The following FAM135B variants were observed in gnomAD, a reference collection of about 807,000 sequenced individuals.
The protein encoded by FAM135B is family with sequence similarity 135 member B.
Under a neutral mutation model 127.7 loss-of-function variants are expected in FAM135B, and 43 were observed. That is an observed-to-expected ratio of 0.34 (90% CI 0.26 to 0.43). The LOEUF (loss-of-function observed/expected upper bound fraction) is 0.43. Among genes scored for constraint, FAM135B ranks in the 20% least tolerant of loss-of-function variants. The pLI is 1.00. For missense variants in FAM135B, 1,558 were observed against 1,725.6 expected (o/e 0.90, Z 1.72); for synonymous variants, 670 against 665.1 (o/e 1.01, Z -0.11).
At chr8:138,408,150 A>G (rs1180026786) in intron 1 of FAM135B, among the ~76,000 whole-genome samples, 1 of 152,182 alleles carries the variant, frequency 6.6e-6, no homozygotes, top group Admixed American at 6.5e-5. Flanking sequence ...GCCCCTAACA[A>G]AAGACGTCAG....
intron 17 of FAM135B, among the ~76,000 whole-genome samples, chr8:138,139,389 G>A (rs1282744093): frequency 1.3e-5 from 2 of 152,064 alleles, no homozygotes; most frequent in Non-Finnish European, 2.9e-5. Flanking sequence ...AGAAGCCTAG[G>A]GTAATAATTT....
intron 9 of FAM135B, among the ~76,000 whole-genome samples, chr8:138,192,131 C>A (rs375202480): frequency 1.3e-5 from 2 of 152,188 alleles, no homozygotes; most frequent in East Asian, 3.9e-4. Context: ...AAAATCCACA[C>A]AATGTAGCCA....
intron 2 of FAM135B, among the ~76,000 whole-genome samples, chr8:138,315,314 A>G (rs1826999958): frequency 6.6e-6 from 1 of 152,230 alleles, no homozygotes; most frequent in Non-Finnish European, 1.5e-5. Flanking sequence ...AAGACAAGAA[A>G]TAACCAGTGT....
At chr8:138,264,247 G>A (rs1822748572) in intron 4 of FAM135B, among the ~76,000 whole-genome samples, 1 of 152,206 alleles carries the variant, frequency 6.6e-6, no homozygotes, top group South Asian at 2.1e-4. Flanking sequence ...GCTTCTCTGG[G>A]AGGCCTCTTC....
At chr8:138,375,519 C>T (rs763007272) in intron 1 of FAM135B, among the ~76,000 whole-genome samples, 15 of 152,208 alleles carry the variant, frequency 9.9e-5, no homozygotes, top group Middle Eastern at 3.4e-3. Flanking sequence ...TGTAAAACAA[C>T]GAATAAATCT....
At chr8:138,472,159 G>A (rs1169323254) in intron 1 of FAM135B, among the ~76,000 whole-genome samples, 3 of 152,114 alleles carry the variant, frequency 2.0e-5, no homozygotes, top group African/African-American at 7.2e-5. Context: ...GGGACAAAGT[G>A]TGTGTTGAGG....
At chr8:138,176,769 C>T (rs558807468) in intron 11 of FAM135B, among the ~76,000 whole-genome samples, 2 of 152,292 alleles carry the variant, frequency 1.3e-5, no homozygotes, top group East Asian at 3.9e-4. Flanking sequence ...AACCCTTGGA[C>T]TGTGGACCAG....
intron 1 of FAM135B, among the ~76,000 whole-genome samples, chr8:138,389,434 T>G (rs1832411112): frequency 6.6e-6 from 1 of 152,170 alleles, no homozygotes; most frequent in Admixed American, 6.5e-5. Context: ...GATAAATGGA[T>G]AAATCAAAAT....
At chr8:138,212,225 T>C (rs527241596) in intron 7 of FAM135B, among the ~76,000 whole-genome samples, 2 of 152,186 alleles carry the variant, frequency 1.3e-5, no homozygotes, top group Admixed American at 6.5e-5. Flanking sequence ...TAAGAGTACA[T>C]AGAAGACAGG....
chr8:138,272,118 G>A (rs1429025958), intron 3 of FAM135B, among the ~76,000 whole-genome samples: 1 of 151,838 alleles, frequency 6.6e-6, no homozygotes, highest in Non-Finnish European at 1.5e-5. Context: ...ATAAAACAAT[G>A]ATGAGGAATC....
In FAM135B at chr8:138,312,816, C is replaced by T. The variant is rs192156209; in HGVS notation, c.78-1896G>A. Among the ~76,000 whole-genome samples, 5 of 152,310 alleles carry T rather than the reference C, an allele frequency of 3.3e-5. No homozygotes were observed. In the East Asian group the frequency reaches 9.7e-4, roughly 29 times the overall value. On this transcript the variant is annotated intron_variant, in intron 2 of 19. Transcript: ENST00000395297. ...CCCTAACAGATGGCAAAGAGAACCC[C>T]ACCTGTTCAGTTGAAGTGGAGACCA...
rs78961073 is a variant in FAM135B, at chr8:138,374,263, G to C, written c.-19-6261C>G. On this transcript the variant is annotated intron_variant, in intron 1 of 19. Transcript: ENST00000395297. ...CGTGACTCTTGGGGCAGGTTCCCCA[G>C]TAAGTCCAGGCTTCTGCATCTGTAC... is the stretch of plus-strand genomic sequence containing the variant. Among the ~76,000 whole-genome samples, 334 of 152,282 alleles carry C rather than the reference G, an allele frequency of 2.2e-3. No homozygotes were observed. In the East Asian group the frequency reaches 0.024, roughly 11 times the overall value.
rs750727560 is a variant in FAM135B at position 138,241,027 on chromosome 8, G to A, written c.669+1915C>T. 6.6e-5 allele frequency among the ~76,000 whole-genome samples: 10 copies of A among 152,132 alleles called. No individual in the cohort carries two copies. Among genetic ancestry groups the A allele is most frequent in the Non-Finnish European group, 1.0e-4 (7 of 68,032 alleles). On this transcript the variant is annotated intron_variant, in intron 7 of 19. Coordinates refer to ENST00000395297, the MANE Select transcript of FAM135B (RefSeq NM_015912.4). This position sits in a 1 kb window ranked among gnomAD's most constrained non-coding sequence, Gnocchi z 4.8. ...TGAGACTCTTCAGTCTCTACAATGG[G>A]GTCTACTGAAACTCTGGGTGCCAGC... is the stretch of plus-strand genomic sequence containing the variant.
chr8:138,374,998 C>A (rs1357319782), intron 1 of FAM135B, among the ~76,000 whole-genome samples: 1 of 151,302 alleles, frequency 6.6e-6, no homozygotes, highest in African/African-American at 2.5e-5. Context: ...ACAACAACAA[C>A]AACAACAACA....
rs2130722859 is a variant in FAM135B, at chr8:138,151,276, T to A, written c.3199A>T (p.Thr1067Ser). The change falls in exon 13 of 20, where the codon ACC becomes TCC. Residue 1067 changes from threonine (T) to serine (S), a missense_variant. Thr to Ser is a moderately conservative substitution (Grantham distance 58). Around this residue, in one of 5 missense-constraint regions of FAM135B, gnomAD observed 923 missense variants for 865.3 expected, o/e 1.07. Coordinates refer to ENST00000395297, the MANE Select transcript of FAM135B (RefSeq NM_015912.4). ...CCAAAGGATCCCAAAGGCTGATGGG[T>A]GATGGGAAACAGGGTCTGTTTGGAA... ...FSSKQTLFPI[T>S]HQPLGSFGVV... 1 of 1,612,668 alleles carries A rather than the reference T, an allele frequency of 6.2e-7. No individual in the cohort carries two copies. The highest frequency in any genetic ancestry group is 8.5e-7 in the Non-Finnish European group (1 of 1,179,528).
chr8:138,132,470 G>C lies in FAM135B; in HGVS notation c.*123C>G. On this transcript the variant is annotated 3_prime_UTR_variant, in exon 20 of 20. Transcript: ENST00000395297. This position sits in a 1 kb window ranked among gnomAD's most constrained non-coding sequence, Gnocchi z 4.5. Reference sequence around the variant, plus strand: ...GCACCTCTCATGTCAGGTTCCACCCGAGCCTCCGTCCCCCAATGCTGTTGA... The same window carrying C: ...GCACCTCTCATGTCAGGTTCCACCCCAGCCTCCGTCCCCCAATGCTGTTGA... The C allele has an allele frequency of 1.1e-5, 9 of 783,034 alleles. No homozygotes were observed. Among genetic ancestry groups the C allele is most frequent in the Middle Eastern group, 2.5e-4 (1 of 3,976 alleles). 48.5% of individuals were successfully genotyped at this position (783,034 alleles called of 1,614,324 possible).
chr8:138,497,583 A>T (rs1265654561), upstream of FAM135B, among the ~76,000 whole-genome samples: 1 of 152,162 alleles, frequency 6.6e-6, no homozygotes, highest in Non-Finnish European at 1.5e-5. Flanking sequence ...CCCAGGCAAC[A>T]AGTAGATGCC....
chr8:138,488,846 T>C (rs1236782199), intron 1 of FAM135B, among the ~76,000 whole-genome samples: 4 of 152,142 alleles, frequency 2.6e-5, no homozygotes, highest in African/African-American at 9.7e-5. Flanking sequence ...TTCGTATTTT[T>C]TGTAGAGATG....
chr8:138,135,972 T>TAG (rs1816626810), intron 19 of FAM135B, among the ~76,000 whole-genome samples: 4 of 151,966 alleles, frequency 2.6e-5, no homozygotes, highest in Admixed American at 6.6e-5. Flanking sequence ...GAAAAGTAGG[T>TAG]AGTGATAGAG....
Sources: gnomAD v4.1 joint callset for allele counts (sites outside exome capture counted in the v4.1 genomes callset) on GRCh38, gnomAD v4.1.1 for gene constraint, gnomAD v4.1.1 regional missense constraint, Gnocchi (gnomAD v3.1) non-coding constraint, MANE v1.5 for transcripts, NCBI Gene and HGNC (gene_info 2026-07-23, HGNC 2026-07-21) for gene names.